CPQ: variants seen among roughly 807,000 people sequenced by gnomAD.
CPQ encodes the protein Ser-Met dipeptidase.
Under a neutral mutation model 45.7 loss-of-function variants are expected in CPQ, and 37 were observed. The ratio of observed to expected loss-of-function variants is 0.81; its 90% confidence interval spans 0.62 to 1.07. The LOEUF (loss-of-function observed/expected upper bound fraction) is 1.07. CPQ is among the 50% of genes least tolerant of loss of function. CPQ has a pLI of 0.00. For synonymous variants in CPQ, 186 were observed against 205.8 expected (o/e 0.90, Z 0.82); for missense variants, 537 against 572.9 (o/e 0.94, Z 0.64).
In CPQ at chr8:96,829,656, A is replaced by G. The variant is rs185380138; in HGVS notation, c.434-5317A>G. ...CTTCCCTCATTTTCAGGCTACTGAA[A>G]TCTTCTAAAGCCTTCTTAAAGTTTC... On this transcript the variant is annotated intron_variant, in intron 2 of 7. Transcript: ENST00000220763. Among the ~76,000 whole-genome samples the G allele has an allele frequency of 5.9e-5, 9 of 152,166 alleles. No homozygotes were observed. The East Asian group carries it at 1.7e-3, about 30-fold the overall frequency.
intron 1 of CPQ, among the ~76,000 whole-genome samples, chr8:96,764,259 A>G (rs1238943646): frequency 2.0e-5 from 3 of 152,218 alleles, no homozygotes; most frequent in Non-Finnish European, 4.4e-5. Flanking sequence ...GCTGGATGAT[A>G]GAAGCCAGGT....
chr8:96,885,475 C>T (rs1207901154), intron 4 of CPQ, among the ~76,000 whole-genome samples: 3 of 152,088 alleles, frequency 2.0e-5, no homozygotes, highest in Non-Finnish European at 4.4e-5. Context: ...AGTAATAACA[C>T]CCAGTATAGT....
intron 1 of CPQ, among the ~76,000 whole-genome samples, chr8:96,750,519 T>A (rs1048559644): frequency 6.6e-6 from 1 of 151,984 alleles, no homozygotes; most frequent in Non-Finnish European, 1.5e-5. Context: ...ATTTTCTAAA[T>A]TTTATCCATT....
chr8:97,013,157 G>C (rs547053000), intron 5 of CPQ, among the ~76,000 whole-genome samples: 63 of 152,126 alleles, frequency 4.1e-4, no homozygotes, highest in African/African-American at 1.5e-3. Flanking sequence ...GCAGGCACCT[G>C]TAACCCCAGC....
intron 7 of CPQ, among the ~76,000 whole-genome samples, chr8:97,121,673 C>T (rs1008486494): frequency 6.6e-6 from 1 of 152,050 alleles, no homozygotes; most frequent in Non-Finnish European, 1.5e-5. Context: ...ACAACTAGAA[C>T]ACCCACTGAA....
chr8:96,860,395 C>T (rs539345715), intron 3 of CPQ, among the ~76,000 whole-genome samples: 13 of 152,210 alleles, frequency 8.5e-5, no homozygotes, highest in East Asian at 1.9e-4. Flanking sequence ...CTGTGAGGTT[C>T]GCTTTTTATT....
chr8:96,838,062 ACTTATGAGTTT>A (rs1344736063), intron 3 of CPQ, among the ~76,000 whole-genome samples: 1 of 151,966 alleles, frequency 6.6e-6, no homozygotes, highest in African/African-American at 2.4e-5. Flanking sequence ...ACTGCCACAC[ACTTATGAGTTT>A]CTTCCTCTGG....
At chr8:96,919,584 C>T (rs972995963) in intron 4 of CPQ, among the ~76,000 whole-genome samples, 3 of 152,132 alleles carry the variant, frequency 2.0e-5, no homozygotes, top group Non-Finnish European at 4.4e-5. Context: ...TAGAATTTCA[C>T]GTTTTAAAGC....
chr8:97,026,922 C>A (rs1377280222), intron 5 of CPQ, among the ~76,000 whole-genome samples: 1 of 152,210 alleles, frequency 6.6e-6, no homozygotes, highest in Non-Finnish European at 1.5e-5. Context: ...AATGAATATT[C>A]TGTAGCCTGT....
chr8:97,129,119 T>C (rs1811894600), intron 7 of CPQ, among the ~76,000 whole-genome samples: 1 of 152,080 alleles, frequency 6.6e-6, no homozygotes, highest in South Asian at 2.1e-4. Flanking sequence ...AATTTACAAG[T>C]GAGACATGAA....
chr8:96,826,583 A>G (rs1444880259), intron 2 of CPQ, among the ~76,000 whole-genome samples: 4 of 151,886 alleles, frequency 2.6e-5, no homozygotes, highest in Non-Finnish European at 4.4e-5. Context: ...GGGACATGCC[A>G]TTCTCCTGGC....
intron 5 of CPQ, among the ~76,000 whole-genome samples, chr8:97,028,297 T>C (rs894469228): frequency 6.6e-5 from 10 of 152,218 alleles, no homozygotes; most frequent in Non-Finnish European, 1.2e-4. Flanking sequence ...GAGAGAGCTC[T>C]GTGTCCCAGA....
intron 6 of CPQ, among the ~76,000 whole-genome samples, chr8:97,047,438 G>A (rs1810278132): frequency 6.6e-6 from 1 of 152,214 alleles, no homozygotes; most frequent in East Asian, 1.9e-4. Context: ...GATGAAAGGA[G>A]AAGTTGCTTC....
At chr8:97,031,449 G>C (rs975172065) in intron 6 of CPQ, among the ~76,000 whole-genome samples, 4 of 152,086 alleles carry the variant, frequency 2.6e-5, no homozygotes, top group Non-Finnish European at 5.9e-5. Context: ...GCCTCCCAAA[G>C]TGCTGGGATT....
At chr8:97,094,749 C>T (rs1445712515) in intron 7 of CPQ, among the ~76,000 whole-genome samples, 1 of 150,662 alleles carries the variant, frequency 6.6e-6, no homozygotes, top group Admixed American at 6.6e-5. Context: ...CAAGTATTCG[C>T]CATTAAAATA....
intron 7 of CPQ, among the ~76,000 whole-genome samples, chr8:97,071,657 T>G (rs1187248121): frequency 6.6e-5 from 10 of 152,206 alleles, no homozygotes; most frequent in African/African-American, 2.2e-4. Flanking sequence ...TTCTTTCACC[T>G]AATTGGCTCA....
intron 4 of CPQ, among the ~76,000 whole-genome samples, chr8:96,949,256 ATTT>A (rs5893402): frequency 0.075 from 10,934 of 146,750 alleles, 732 homozygotes; most frequent in African/African-American, 0.18. Flanking sequence ...TGTTTTCTTG[ATTT>A]TTTTTTTTTG....
chr8:97,103,059 G>A (rs1172035754), intron 7 of CPQ, among the ~76,000 whole-genome samples: 5 of 152,090 alleles, frequency 3.3e-5, no homozygotes, highest in Admixed American at 2.6e-4. Context: ...CCATTGCGTT[G>A]TCCTCTTCTC....
chr8:97,141,909 C>G (rs1393741164), intron 7 of CPQ, among the ~76,000 whole-genome samples: 1 of 152,060 alleles, frequency 6.6e-6, no homozygotes, highest in Non-Finnish European at 1.5e-5. Flanking sequence ...AACTGTATAT[C>G]TGTACACGTA....
Sources: allele counts gnomAD v4.1 joint callset (sites outside exome capture counted in the v4.1 genomes callset), GRCh38; gene constraint gnomAD v4.1.1; transcripts MANE v1.5; gene names NCBI Gene and HGNC (gene_info 2026-07-23, HGNC 2026-07-21).